WWOX: variants seen among roughly 807,000 people sequenced by gnomAD.
WWOX encodes WW domain-containing oxidoreductase.
A neutral mutation model predicts 46.2 loss-of-function variants in WWOX; 69 were observed. The ratio of observed to expected loss-of-function variants is 1.49; its 90% CI spans 1.23 to 1.82. The LOEUF (loss-of-function observed/expected upper bound fraction) is 1.82, where lower values mean the gene tolerates loss of function less well. Among genes scored for constraint, WWOX ranks in the 40% most tolerant of loss-of-function variants. WWOX has a pLI of 0.00. For missense variants in WWOX, 919 were observed against 542.6 expected, an observed-to-expected ratio of 1.69 and a Z score of -6.89; for synonymous variants, 359 against 202.6, an observed-to-expected ratio of 1.77 and a Z score of -6.56.
At chr16:78,995,421 T>C (rs371120795) in intron 8 of WWOX, among the ~76,000 whole-genome samples, 44 of 152,220 alleles carry the variant, frequency 2.9e-4, no homozygotes, top group African/African-American at 7.7e-4. Context: ...AAGCCTTCCT[T>C]TTTCTGTCCT....
intron 5 of WWOX, chr16:78,167,971 T>C (rs574123771): frequency 2.2e-4 from 34 of 152,340 alleles, no homozygotes; most frequent in African/African-American, 7.9e-4. Context: ...TTTTTCAAGC[T>C]GCTGGCCAGC....
chr16:78,853,708 G>C (rs1462129588), intron 8 of WWOX, among the ~76,000 whole-genome samples: 5 of 152,106 alleles, frequency 3.3e-5, no homozygotes, highest in South Asian at 2.1e-4. Flanking sequence ...CCTGCGTGGT[G>C]GGGGTGTAGT....
At chr16:78,686,931 T>C (rs561210718) in intron 8 of WWOX, among the ~76,000 whole-genome samples, 1 of 152,230 alleles carries the variant, frequency 6.6e-6, no homozygotes, top group Non-Finnish European at 1.5e-5. Context: ...ACAGTTTCCA[T>C]ATCCAAGCAG....
At chr16:78,773,882 A>G (rs1162653177) in intron 8 of WWOX, among the ~76,000 whole-genome samples, 2 of 152,196 alleles carry the variant, frequency 1.3e-5, no homozygotes, top group African/African-American at 2.4e-5. Context: ...CATCATTCGC[A>G]TACTTGTATG....
intron 8 of WWOX, among the ~76,000 whole-genome samples, chr16:78,499,810 G>T (rs541614229): frequency 1.3e-5 from 2 of 152,178 alleles, no homozygotes; most frequent in Non-Finnish European, 2.9e-5. Context: ...CAAGGCACTG[G>T]AAGTCCCATT....
At chr16:78,546,866 C>T (rs2044045153) in intron 8 of WWOX, among the ~76,000 whole-genome samples, 1 of 152,116 alleles carries the variant, frequency 6.6e-6, no homozygotes, top group Non-Finnish European at 1.5e-5. Flanking sequence ...GTGGCTCATG[C>T]CCGTAATCTT....
chr16:78,451,696 A>T (rs1288758274), intron 8 of WWOX, among the ~76,000 whole-genome samples: 3 of 152,228 alleles, frequency 2.0e-5, no homozygotes, highest in Non-Finnish European at 4.4e-5. Flanking sequence ...ATACTAAAGC[A>T]ATGCTAGTCT....
chr16:78,255,882 G>A (rs1007039264), intron 5 of WWOX, among the ~76,000 whole-genome samples: 4 of 152,050 alleles, frequency 2.6e-5, no homozygotes, highest in African/African-American at 7.2e-5. Flanking sequence ...AGTGGCTCGC[G>A]CCTGTAATCT....
chr16:78,548,010 C>T (rs2044082531), intron 8 of WWOX, among the ~76,000 whole-genome samples: 1 of 151,752 alleles, frequency 6.6e-6, no homozygotes, highest in African/African-American at 2.4e-5. Flanking sequence ...TAAAAATTAG[C>T]CGGGTGTGGT....
At chr16:79,003,247 A>G (rs1047355951) in intron 8 of WWOX, among the ~76,000 whole-genome samples, 5 of 152,250 alleles carry the variant, frequency 3.3e-5, no homozygotes, top group Non-Finnish European at 5.9e-5. Flanking sequence ...TTAATGCAGC[A>G]TAGTATAAAA....
At chr16:78,199,252 G>A (rs1811854496) in intron 5 of WWOX, among the ~76,000 whole-genome samples, 1 of 152,132 alleles carries the variant, frequency 6.6e-6, no homozygotes, top group South Asian at 2.1e-4. Flanking sequence ...GGCGGAGGTT[G>A]CAGTGAGCCC....
At chr16:78,956,153 G>C (rs986034100) in intron 8 of WWOX, among the ~76,000 whole-genome samples, 1 of 151,398 alleles carries the variant, frequency 6.6e-6, no homozygotes, top group Non-Finnish European at 1.5e-5. Context: ...TTGGGGGTTT[G>C]TTGTTGTTTT....
At chr16:78,710,218 C>G (rs1197154408) in intron 8 of WWOX, among the ~76,000 whole-genome samples, 1 of 151,698 alleles carries the variant, frequency 6.6e-6, no homozygotes, top group African/African-American at 2.4e-5. Flanking sequence ...GGCGTGCACA[C>G]TTGGGGCACC....
intron 8 of WWOX, among the ~76,000 whole-genome samples, chr16:78,834,777 A>G (rs568976058): frequency 1.7e-4 from 26 of 152,354 alleles, no homozygotes; most frequent in African/African-American, 6.3e-4. Flanking sequence ...TGCGTATGTC[A>G]AATCATTACA....
At chr16:78,812,825 TA>T (rs1472670676) in intron 8 of WWOX, among the ~76,000 whole-genome samples, 1 of 152,258 alleles carries the variant, frequency 6.6e-6, no homozygotes, top group Non-Finnish European at 1.5e-5. Flanking sequence ...GTTTGTGTTA[TA>T]AGTTTTCAAA....
chr16:78,666,971 T>A lies in WWOX; in HGVS notation c.1056+234219T>A, dbSNP rs1310110167. Among the ~76,000 whole-genome samples, 3 of 152,192 alleles carry A rather than the reference T, an allele frequency of 2.0e-5. No individual in the cohort carries two copies. The East Asian group carries it at 5.8e-4, about 29-fold the overall frequency. On this transcript the variant is annotated intron_variant, in intron 8 of 8. Coordinates refer to ENST00000566780, the MANE Select transcript of WWOX (RefSeq NM_016373.4). ...CCATCACAAAAGGGGGTTAAAAGGG[T>A]TTAGGGGAAGTTTAGTTGTCTTCCT... is the stretch of plus-strand genomic sequence containing the variant.
chr16:78,726,128 CCTCT>C (rs1471034956), intron 8 of WWOX, among the ~76,000 whole-genome samples: 1 of 141,092 alleles, frequency 7.1e-6, no homozygotes, highest in Non-Finnish European at 1.5e-5. Context: ...TCCCTCTCTC[CCTCT>C]CTCTTTTTCT....
At chr16:79,130,551 T>A (rs777212135) in intron 8 of WWOX, among the ~76,000 whole-genome samples, 2 of 152,238 alleles carry the variant, frequency 1.3e-5, no homozygotes, top group South Asian at 4.2e-4. Flanking sequence ...ACCTGTACAT[T>A]CACATCCTGG....
intron 8 of WWOX, among the ~76,000 whole-genome samples, chr16:78,581,690 G>C (rs1194623106): frequency 2.6e-5 from 4 of 152,120 alleles, no homozygotes; most frequent in Non-Finnish European, 4.4e-5. Context: ...GTTTATACCA[G>C]TACATTTTTT....
Sources: gnomAD v4.1 joint callset for allele counts (sites outside exome capture counted in the v4.1 genomes callset) on GRCh38, gnomAD v4.1.1 for gene constraint, MANE v1.5 for transcripts, NCBI Gene and HGNC (gene_info 2026-07-23, HGNC 2026-07-21) for gene names.